Variants in LDB2 observed in about 807,000 individuals in gnomAD.
The protein encoded by LDB2 is LIM domain binding 2, also known as LIM domain-binding protein 2.
Under a neutral mutation model 44.3 loss-of-function variants are expected in LDB2, and 12 were observed. That is an observed-to-expected ratio of 0.27 (90% confidence interval 0.17 to 0.44). LDB2 has a LOEUF of 0.44. Among genes scored for constraint, LDB2 ranks in the 20% least tolerant of loss-of-function variants. The probability of loss-of-function intolerance (pLI) is 1.00; values close to 1 mark genes in which losing one functional copy is unlikely to be tolerated. For missense variants in LDB2, 344 were observed against 473.5 expected, an observed-to-expected ratio of 0.73 and a Z score of 2.54; for synonymous variants, 164 against 174.8, an observed-to-expected ratio of 0.94 and a Z score of 0.49.
chr4:16,767,959 T>A (rs1769726358), intron 1 of LDB2, among the ~76,000 whole-genome samples: 1 of 152,162 alleles, frequency 6.6e-6, no homozygotes, highest in Non-Finnish European at 1.5e-5. Context: ...CATCCTAGAT[T>A]CTCTCCTGTT....
intron 2 of LDB2, among the ~76,000 whole-genome samples, chr4:16,632,107 A>C (rs1162307546): frequency 6.6e-6 from 1 of 152,226 alleles, no homozygotes; most frequent in Non-Finnish European, 1.5e-5. Flanking sequence ...TCATCCTGAT[A>C]CCAAAGCCTG....
chr4:16,675,963 A>G (rs1746198506), intron 2 of LDB2, among the ~76,000 whole-genome samples: 1 of 152,232 alleles, frequency 6.6e-6, no homozygotes, highest in Admixed American at 6.5e-5. Flanking sequence ...TGTCAGAGGA[A>G]GAGGGAATAT....
rs539474162 is a variant in LDB2 at position 16,816,982 on chromosome 4, C to T, written c.133-57722G>A. ...GTACTTATATCTGTTCTTGCACCCC[C>T]CACCCTGTATTATTTTTATTGGCTT... On this transcript the variant is annotated intron_variant, in intron 1 of 7. Transcript: ENST00000304523. 4.3e-4 allele frequency among the ~76,000 whole-genome samples: 66 copies of T among 152,220 alleles called. 1 individual carries two copies. The highest frequency in any genetic ancestry group is 6.8e-3 in the Middle Eastern group (2 of 292).
chr4:16,813,496 T>C (rs1780300759), intron 1 of LDB2, among the ~76,000 whole-genome samples: 1 of 152,166 alleles, frequency 6.6e-6, no homozygotes, highest in Non-Finnish European at 1.5e-5. Flanking sequence ...TTCTGGAGCT[T>C]CAACACTCAA....
chr4:16,870,293 G>T (rs899981786), intron 1 of LDB2, among the ~76,000 whole-genome samples: 1 of 152,188 alleles, frequency 6.6e-6, no homozygotes, highest in South Asian at 2.1e-4. Context: ...AGGAGCGAAG[G>T]CTTATCCAGA....
intron 1 of LDB2, among the ~76,000 whole-genome samples, chr4:16,895,508 G>T (rs1724710287): frequency 6.6e-6 from 1 of 151,912 alleles, no homozygotes; most frequent in South Asian, 2.1e-4. Context: ...TTCAAAAAGG[G>T]GTGAAGACTT....
chr4:16,849,886 G>T (rs1267103273), intron 1 of LDB2, among the ~76,000 whole-genome samples: 1 of 152,136 alleles, frequency 6.6e-6, no homozygotes, highest in East Asian at 1.9e-4. Flanking sequence ...CAGCACACAT[G>T]CTAGTCATCT....
At chr4:16,715,106 A>G (rs781718528) in intron 2 of LDB2, among the ~76,000 whole-genome samples, 5 of 152,116 alleles carry the variant, frequency 3.3e-5, no homozygotes, top group Non-Finnish European at 7.3e-5. Flanking sequence ...TGCTTAACCC[A>G]CACAACAGCC....
chr4:16,635,506 A>G (rs2152501250), intron 2 of LDB2, among the ~76,000 whole-genome samples: 1 of 152,298 alleles, frequency 6.6e-6, no homozygotes, highest in South Asian at 2.1e-4. Context: ...TGCTTTAGAC[A>G]CAGGTGAAGG....
chr4:16,631,642 C>T lies in LDB2; in HGVS notation c.236-35767G>A, dbSNP rs961058807. Reference sequence around the variant, plus strand: ...AACCCTTCAAAAAGAAACAATAAATCCAGGAGCCGGTTTTTTGAAAAGATA... The same window carrying T: ...AACCCTTCAAAAAGAAACAATAAATTCAGGAGCCGGTTTTTTGAAAAGATA... On this transcript the variant is annotated intron_variant, in intron 2 of 7. Coordinates refer to ENST00000304523, the MANE Select transcript of LDB2 (RefSeq NM_001290.5). Among the ~76,000 whole-genome samples, 4 of 152,006 alleles carry T rather than the reference C, an allele frequency of 2.6e-5. No homozygotes were observed. In the South Asian group the frequency reaches 8.3e-4, roughly 32 times the overall value.
At chr4:16,844,247 C>CT (rs1561416948) in intron 1 of LDB2, among the ~76,000 whole-genome samples, 1 of 29,884 alleles carries the variant, frequency 3.3e-5, no homozygotes, top group African/African-American at 1.5e-4. Context: ...CACCCTGTCT[C>CT]CAAAAAAAAA....
At chr4:16,841,827 GTAGGCCCCTACAA>G (rs1785948124) in intron 1 of LDB2, among the ~76,000 whole-genome samples, 1 of 152,180 alleles carries the variant, frequency 6.6e-6, no homozygotes. Context: ...CCATTTTCAA[GTAGGCCCCTACAA>G]ATGAAAAACA....
At chr4:16,529,417 A>G (rs1471855834) in intron 5 of LDB2, among the ~76,000 whole-genome samples, 1 of 152,202 alleles carries the variant, frequency 6.6e-6, no homozygotes, top group African/African-American at 2.4e-5. Flanking sequence ...GCCAGGTTGC[A>G]GGTGCAGCAG....
intron 2 of LDB2, among the ~76,000 whole-genome samples, chr4:16,609,076 A>C (rs10939676): frequency 0.37 from 55,788 of 151,906 alleles, 10,725 homozygotes; most frequent in East Asian, 0.64. Context: ...AATTGACTAG[A>C]AGACTGGTGT....
intron 1 of LDB2, among the ~76,000 whole-genome samples, chr4:16,786,886 T>C (rs1774550961): frequency 6.6e-6 from 1 of 152,148 alleles, no homozygotes; most frequent in Admixed American, 6.5e-5. Flanking sequence ...CCCGAATCTT[T>C]TGTGAACCCT....
At chr4:16,771,112 T>A (rs1211194834) in intron 1 of LDB2, among the ~76,000 whole-genome samples, 1 of 152,156 alleles carries the variant, frequency 6.6e-6, no homozygotes, top group Non-Finnish European at 1.5e-5. Flanking sequence ...CTATTGCATT[T>A]GAATAGTTGA....
At chr4:16,737,388 C>T (rs1762107041) in intron 2 of LDB2, among the ~76,000 whole-genome samples, 1 of 152,128 alleles carries the variant, frequency 6.6e-6, no homozygotes, top group South Asian at 2.1e-4. Flanking sequence ...GCCCCCACTC[C>T]TGTCTTAAAA....
At chr4:16,797,750 A>G (rs1035164569) in intron 1 of LDB2, among the ~76,000 whole-genome samples, 1 of 151,936 alleles carries the variant, frequency 6.6e-6, no homozygotes, top group Non-Finnish European at 1.5e-5. Flanking sequence ...GAGCTGTATA[A>G]TCAAGGCTGG....
At chr4:16,687,384 G>A (rs908106614) in intron 2 of LDB2, among the ~76,000 whole-genome samples, 4 of 152,128 alleles carry the variant, frequency 2.6e-5, no homozygotes, top group African/African-American at 9.7e-5. Context: ...GGACACAGCA[G>A]GTAAATTGCT....
Sources: gnomAD v4.1 joint callset for allele counts (sites outside exome capture counted in the v4.1 genomes callset) on GRCh38, gnomAD v4.1.1 for gene constraint, MANE v1.5 for transcripts, NCBI Gene and HGNC (gene_info 2026-07-23, HGNC 2026-07-21) for gene names.